Variants in FASTKD1 observed in about 807,000 individuals in gnomAD.
FASTKD1 encodes the protein FAST kinase domains 1.
In FASTKD1, 94 loss-of-function variants were observed where a neutral mutation model predicts 90.9. That is an observed-to-expected ratio of 1.03 (90% CI 0.88 to 1.23). The LOEUF (loss-of-function observed/expected upper bound fraction) is 1.23. Among genes scored for constraint, FASTKD1 ranks in the 50% most tolerant of loss-of-function variants. FASTKD1 has a pLI of 0.00. For synonymous variants in FASTKD1, 319 were observed against 345.8 expected, an observed-to-expected ratio of 0.92 and a Z score of 0.86; for missense variants, 945 against 993.5, an observed-to-expected ratio of 0.95 and a Z score of 0.66.
In FASTKD1 at chr2:169,571,746, T is replaced by C. The variant is rs1204402775; in HGVS notation, c.284A>G (p.His95Arg). Residue 95 changes from histidine to arginine, a missense_variant, in exon 2 of 15, where the codon CAT becomes CGT. By Grantham distance (29) the His-to-Arg change is conservative (BLOSUM62 0). Transcript: ENST00000453153. ...LLKNAEYVRD[H>R]PQFLTLHNLA... Reference sequence around the variant, plus strand: ...ATTATGAAGAGTAAGAAATTGAGGATGGTCTCTGACATACTCAGCATTTTT... The same window carrying C: ...ATTATGAAGAGTAAGAAATTGAGGACGGTCTCTGACATACTCAGCATTTTT... The C allele has an allele frequency of 5.0e-6, 8 of 1,613,956 alleles. 1 individual carries two copies. The highest frequency in any genetic ancestry group is 5.9e-6 in the Non-Finnish European group (7 of 1,179,894).
intron 12 of FASTKD1, 29 bp downstream of exon 12, chr2:169,537,198 A>G (rs1402684708): frequency 7.8e-7 from 1 of 1,277,772 alleles, no homozygotes; most frequent in African/African-American, 1.5e-5. Context: ...ATTTTCTGAA[A>G]GTAACTAATA....
In FASTKD1 at chr2:169,560,448, C is replaced by G. The variant is rs1211679172; in HGVS notation, c.910G>C (p.Ala304Pro). 6.3e-7 allele frequency: 1 copy of G among 1,583,394 alleles called. No individual in the cohort carries two copies. Among genetic ancestry groups the G allele is most frequent in the African/African-American group, 1.4e-5 (1 of 73,124 alleles). ...TEMIPLCNHPASFVKLFVALG... is the reference protein window; with the variant it reads ...TEMIPLCNHPPSFVKLFVALG... ...GCTACAAACAATTTTACAAAGCTAG[C>G]AGGATGATTACACAGAGGAATCATT... Residue 304 changes from alanine to proline, a missense_variant, in exon 5 of 15, where the codon GCT (alanine) becomes CCT (proline). Physicochemically the swap from Ala to Pro is conservative, Grantham distance 27. Transcript: ENST00000453153.
chr2:169,534,437 A>G (rs1264914997), intron 12 of FASTKD1, among the ~76,000 whole-genome samples: 2 of 150,174 alleles, frequency 1.3e-5, no homozygotes, highest in Non-Finnish European at 1.5e-5. Context: ...ACTGTGAAAA[A>G]TAAATTTCTG....
rs759405753 is a variant in FASTKD1 at position 169,544,745 on chromosome 2, C to G, written c.1792G>C (p.Val598Leu). ...CCTAAGTAAGAATTAAGATGTTGCACGCAAGTTCCCAAAAATTCATCCCTT... is the reference window on the plus strand; with the variant it reads ...CCTAAGTAAGAATTAAGATGTTGCAGGCAAGTTCCCAAAAATTCATCCCTT... ...PQRDEFLGTC[V>L]QHLNSYLGIL... Residue 598 changes from valine (V) to leucine (L), a missense_variant, in exon 9 of 15, where the codon GTG becomes CTG. By Grantham distance (32) the Val-to-Leu change is conservative (BLOSUM62 1). Coordinates refer to ENST00000453153, the MANE Select transcript of FASTKD1 (RefSeq NM_024622.6). 6.9e-6 allele frequency: 11 copies of G among 1,604,772 alleles called. No homozygotes were observed. The highest frequency in any genetic ancestry group is 9.4e-6 in the Non-Finnish European group (11 of 1,171,880).
chr2:169,555,098 A>G (rs762199222), intron 7 of FASTKD1, 26 bp downstream of exon 7: 4 of 1,594,962 alleles, frequency 2.5e-6, no homozygotes, highest in Non-Finnish European at 3.4e-6. Context: ...ATGAAACACT[A>G]AACAAAATTT....
intron 12 of FASTKD1, among the ~76,000 whole-genome samples, chr2:169,536,395 C>T (rs2592784): frequency 0.57 from 85,828 of 151,392 alleles, 24,545 homozygotes; most frequent in Admixed American, 0.67. Flanking sequence ...TTAAAAAGGA[C>T]AACATGCAAA....
At position 169,560,656 on chromosome 2, in the gene FASTKD1, T is replaced by A; in HGVS notation, c.702A>T (p.Ile234=). The A allele has an allele frequency of 6.2e-7, 1 of 1,613,292 alleles. No homozygotes were observed. Among genetic ancestry groups the A allele is most frequent in the Non-Finnish European group, 8.5e-7 (1 of 1,179,804 alleles). Residue 234 remains isoleucine (I), a synonymous_variant, in exon 5 of 15, where the codon ATA becomes ATT. Transcript: ENST00000453153. ...DSSEVNVAKS[I]AKFLRNVRYR... is the part of the protein sequence containing the mutation. Reference sequence around the variant, plus strand: ...ATCTAACATTTCGAAGAAACTTTGCTATGCTTTTTGCAACGTTGACCTCAG... The same window carrying A: ...ATCTAACATTTCGAAGAAACTTTGCAATGCTTTTTGCAACGTTGACCTCAG...
In FASTKD1 at chr2:169,546,306, T is replaced by A; in HGVS notation, c.1613A>T (p.Glu538Val). The change falls in exon 8 of 15, where the codon GAG (glutamate) becomes GTG (valine). Residue 538 changes from glutamate (E) to valine (V), a missense_variant. Physicochemically the swap from Glu to Val is moderately radical, Grantham distance 121 (BLOSUM62 -2). Transcript: ENST00000453153. ...MDDINYINVG[E>V]IASFISSTDY... is the part of the protein sequence containing the mutation. The stretch of plus-strand genomic sequence containing the variant: ...AGTACTAGAAATAAAAGATGCAATC[T>A]CCCCAACATTTATGTAATTAATATC... The A allele has an allele frequency of 1.2e-6, 2 of 1,613,838 alleles. No individual in the cohort carries two copies. The highest frequency in any genetic ancestry group is 8.5e-7 in the Non-Finnish European group (1 of 1,179,928).
chr2:169,559,263 G>A (rs1156305847), intron 5 of FASTKD1, among the ~76,000 whole-genome samples: 19 of 151,700 alleles, frequency 1.3e-4, no homozygotes, highest in African/African-American at 4.6e-4. Context: ...ATGATCCACC[G>A]CACCCAGCCA....
chr2:169,571,186 C>G (rs1234252703), intron 2 of FASTKD1: 1 of 152,536 alleles, frequency 6.6e-6, no homozygotes, highest in Non-Finnish European at 1.5e-5. Context: ...CAGAGCAAGA[C>G]TCCGCCTCAA....
chr2:169,537,131 A>G, intron 12 of FASTKD1, 96 bp downstream of exon 12: 1 of 799,998 alleles, frequency 1.3e-6, no homozygotes. Flanking sequence ...CTTGAAAAAA[A>G]TTCAAAAAAC....
intron 3 of FASTKD1, among the ~76,000 whole-genome samples, chr2:169,565,080 G>C (rs1261224586): frequency 2.0e-5 from 3 of 148,458 alleles, no homozygotes; most frequent in Non-Finnish European, 4.4e-5. Flanking sequence ...TCAGCCTCCC[G>C]AGTAGCTGGG....
intron 7 of FASTKD1, among the ~76,000 whole-genome samples, chr2:169,552,392 A>G (rs1255330247): frequency 6.6e-6 from 1 of 152,188 alleles, no homozygotes; most frequent in Non-Finnish European, 1.5e-5. Flanking sequence ...TCAGTACTGA[A>G]TAATTTAATT....
rs1424115320 is a variant in FASTKD1, at chr2:169,540,158, A to G, written c.1838T>C (p.Leu613Ser). The G allele has an allele frequency of 6.3e-7, 1 of 1,586,686 alleles. No individual in the cohort carries two copies. The highest frequency in any genetic ancestry group is 1.4e-5 in the African/African-American group (1 of 74,064). ...SYLGILDPFILVFLGFSLATL... is the reference protein window; with the variant it reads ...SYLGILDPFISVFLGFSLATL... ...GGCCAAAGAGAAACCAAGAAACACT[A>G]ATATAAAAGGATCCAATATACCTAA... Residue 613 changes from leucine (L) to serine (S), a missense_variant, in exon 10 of 15, where the codon TTA (leucine) becomes TCA (serine). Leu to Ser is a moderately radical substitution (Grantham distance 145). Transcript: ENST00000453153.
chr2:169,549,444 G>A (rs1685389586), intron 7 of FASTKD1, among the ~76,000 whole-genome samples: 1 of 152,054 alleles, frequency 6.6e-6, no homozygotes, highest in Non-Finnish European at 1.5e-5. Flanking sequence ...TAAATACATT[G>A]AGTTACTTTT....
intron 7 of FASTKD1, among the ~76,000 whole-genome samples, chr2:169,553,838 C>A (rs969260569): frequency 6.6e-6 from 1 of 152,030 alleles, no homozygotes; most frequent in Non-Finnish European, 1.5e-5. Context: ...AGGAGAATGG[C>A]GTGAACCCGG....
At chr2:169,566,890 G>C (rs1007674761) in intron 3 of FASTKD1, among the ~76,000 whole-genome samples, 6 of 152,176 alleles carry the variant, frequency 3.9e-5, no homozygotes, top group African/African-American at 1.4e-4. Context: ...GCCAAGGTGG[G>C]CAGATCACGA....
intron 3 of FASTKD1, 107 bp from the exon 4 acceptor site, chr2:169,563,457 A>AT: frequency 1.4e-5 from 11 of 789,522 alleles, no homozygotes; most frequent in Admixed American, 3.6e-5. Flanking sequence ...ATTACATAAA[A>AT]TTTTTTTTCT....
At chr2:169,560,853 T>C in intron 4 of FASTKD1, 68 bp from the exon 5 acceptor site, 14 of 1,296,896 alleles carry the variant, frequency 1.1e-5, no homozygotes, top group East Asian at 2.7e-5. Flanking sequence ...TTTTTTTTTT[T>C]TTTTTTTTTT....
Sources: gnomAD v4.1 joint callset for allele counts (sites outside exome capture counted in the v4.1 genomes callset) on GRCh38, gnomAD v4.1.1 for gene constraint, MANE v1.5 for transcripts, NCBI Gene and HGNC (gene_info 2026-07-23, HGNC 2026-07-21) for gene names.